Variants in VSTM2L observed in about 807,000 individuals in gnomAD.
VSTM2L encodes V-set and transmembrane domain-containing protein 2-like protein.
Under a neutral mutation model 19.9 loss-of-function variants are expected in VSTM2L, and 9 were observed. The observed-to-expected ratio is 0.45, with a 90% CI of 0.27 to 0.79. The LOEUF (loss-of-function observed/expected upper bound fraction) is 0.79. Among genes scored for constraint, VSTM2L ranks in the 30% least tolerant of loss-of-function variants. VSTM2L has a pLI of 0.15. For missense variants in VSTM2L, 286 were observed against 295.5 expected, an observed-to-expected ratio of 0.97 and a Z score of 0.24; for synonymous variants, 127 against 133.8, an observed-to-expected ratio of 0.95 and a Z score of 0.35.
At position 37,939,789 on chromosome 20, in the gene VSTM2L, C is replaced by T. The variant is rs143817538; in HGVS notation, c.343-4192C>T. On this transcript the variant is annotated intron_variant, in intron 3 of 3. Transcript: ENST00000373461. ...ACTCGCTAAGTGCTTGTTGAATGAA[C>T]GGACAAATTTAGCCCAAGAAAACCG... 1.1e-3 allele frequency among the ~76,000 whole-genome samples: 161 copies of T among 152,314 alleles called. 1 individual carries two copies. Among genetic ancestry groups the T allele is most frequent in the African/African-American group, 3.6e-3 (150 of 41,580 alleles).
intron 1 of VSTM2L, among the ~76,000 whole-genome samples, chr20:37,923,940 A>G (rs185244083): frequency 4.6e-5 from 7 of 152,356 alleles, no homozygotes; most frequent in East Asian, 1.9e-4. Flanking sequence ...GAGAAAATGT[A>G]TGTAAAGAGC....
intron 1 of VSTM2L, 104 bp from the exon 2 acceptor site, chr20:37,931,531 C>G: frequency 3.3e-6 from 3 of 915,632 alleles, no homozygotes; most frequent in Non-Finnish European, 4.9e-6. Flanking sequence ...CTCCACCCAT[C>G]CCCCGCCGTG....
intron 1 of VSTM2L, among the ~76,000 whole-genome samples, chr20:37,918,976 A>G (rs913565940): frequency 6.6e-6 from 1 of 152,218 alleles, no homozygotes; most frequent in Non-Finnish European, 1.5e-5. Context: ...ACAACTGTAC[A>G]TGGCAGTCCA....
Position 37,944,361 on chromosome 20 carries a change from G to A in VSTM2L, c.*108G>A, listed in dbSNP as rs2122985181. The A allele has an allele frequency of 6.3e-6, 8 of 1,278,798 alleles. No homozygotes were observed. Among genetic ancestry groups the A allele is most frequent in the Middle Eastern group, 2.9e-4 (1 of 3,458 alleles). 79.2% of individuals were successfully genotyped at this position (1,278,798 alleles called of 1,614,324 possible). The stretch of plus-strand genomic sequence containing the variant: ...CTGCGTCCAGCCGCGCCCCATCCCC[G>A]AGGCCGCCTGTGGCCACCATGTCGG... On this transcript the variant is annotated 3_prime_UTR_variant, in exon 4 of 4. Transcript: ENST00000373461.
intron 1 of VSTM2L, among the ~76,000 whole-genome samples, 192 bp downstream of exon 1, chr20:37,903,663 C>T (rs8120649): frequency 6.6e-5 from 10 of 152,310 alleles, no homozygotes; most frequent in Middle Eastern, 3.4e-3. Context: ...GGCGCACCCC[C>T]GAACCTCCTC....
intron 1 of VSTM2L, among the ~76,000 whole-genome samples, chr20:37,905,782 A>T (rs2072748746): frequency 6.6e-6 from 1 of 152,180 alleles, no homozygotes; most frequent in South Asian, 2.1e-4. Flanking sequence ...ACCCGCCACC[A>T]CAGGAAGGGT....
chr20:37,926,147 C>T (rs949324347), intron 1 of VSTM2L, among the ~76,000 whole-genome samples: 4 of 152,158 alleles, frequency 2.6e-5, no homozygotes, highest in African/African-American at 4.8e-5. Context: ...CTGCAACCTC[C>T]GCCTCCCAGA....
intron 1 of VSTM2L, 123 bp downstream of exon 1, chr20:37,903,594 C>A (rs967661485): frequency 2.0e-4 from 261 of 1,294,738 alleles, no homozygotes; most frequent in Non-Finnish European, 2.3e-4. Context: ...CGGGGCGCCC[C>A]CTGCCGGCGC....
intron 2 of VSTM2L, among the ~76,000 whole-genome samples, chr20:37,932,806 T>C (rs2072918275): frequency 6.6e-6 from 1 of 152,214 alleles, no homozygotes; most frequent in Non-Finnish European, 1.5e-5. Flanking sequence ...TATACACTAA[T>C]GAACACGCAA....
At chr20:37,942,532 A>G (rs965179373) in intron 3 of VSTM2L, among the ~76,000 whole-genome samples, 1 of 152,148 alleles carries the variant, frequency 6.6e-6, no homozygotes. Context: ...CACCGATAAC[A>G]GGTTGTGTCG....
At chr20:37,937,963 A>AGG (rs1019747304) in intron 3 of VSTM2L, among the ~76,000 whole-genome samples, 3 of 152,166 alleles carry the variant, frequency 2.0e-5, no homozygotes. Context: ...GATGAGGCTG[A>AGG]GGGGCAGGCC....
intron 1 of VSTM2L, among the ~76,000 whole-genome samples, chr20:37,922,495 C>T (rs1283245743): frequency 1.3e-5 from 2 of 152,086 alleles, no homozygotes; most frequent in Non-Finnish European, 2.9e-5. Context: ...TTCAGTGGGG[C>T]CACGTTGGTT....
intron 2 of VSTM2L, 59 bp from the exon 3 acceptor site, chr20:37,933,461 TCCCCACACTGCCACCCCAC>T: frequency 8.4e-7 from 1 of 1,188,758 alleles, no homozygotes; most frequent in Non-Finnish European, 1.2e-6. Flanking sequence ...ATAATGTGTC[TCCCCACACTGCCACCCCAC>T]CCCCACCCTG....
chr20:37,924,275 A>G (rs1568838352), intron 1 of VSTM2L, among the ~76,000 whole-genome samples: 1 of 151,842 alleles, frequency 6.6e-6, no homozygotes, highest in Non-Finnish European at 1.5e-5. Context: ...AAACATGGCC[A>G]GGCGCGATGG....
intron 1 of VSTM2L, among the ~76,000 whole-genome samples, chr20:37,915,596 G>C (rs2072813881): frequency 6.6e-6 from 1 of 152,098 alleles, no homozygotes; most frequent in African/African-American, 2.4e-5. Flanking sequence ...TGAGGAAACC[G>C]GGCTAGAAGC....
At chr20:37,936,366 G>A (rs1026653577) in intron 3 of VSTM2L, among the ~76,000 whole-genome samples, 2 of 152,224 alleles carry the variant, frequency 1.3e-5, no homozygotes, top group Non-Finnish European at 2.9e-5. Flanking sequence ...CCCGATTTTA[G>A]TGGAATGTCT....
At chr20:37,905,303 T>C (rs1159738003) in intron 1 of VSTM2L, among the ~76,000 whole-genome samples, 1 of 152,074 alleles carries the variant, frequency 6.6e-6, no homozygotes, top group Non-Finnish European at 1.5e-5. Context: ...ACTCTGAGGC[T>C]TATGGTCGTT....
chr20:37,923,654 C>T (rs1465842285), intron 1 of VSTM2L, among the ~76,000 whole-genome samples: 3 of 152,128 alleles, frequency 2.0e-5, no homozygotes, highest in East Asian at 1.9e-4. Flanking sequence ...GCTCAGGGGC[C>T]GGGTAAGTCA....
chr20:37,916,087 C>A (rs1410139720), intron 1 of VSTM2L, among the ~76,000 whole-genome samples: 3 of 152,208 alleles, frequency 2.0e-5, no homozygotes, highest in Non-Finnish European at 4.4e-5. Context: ...CCTCTTAGCC[C>A]CTCCCGGCAG....
Sources: allele counts gnomAD v4.1 joint callset (sites outside exome capture counted in the v4.1 genomes callset), GRCh38; gene constraint gnomAD v4.1.1; transcripts MANE v1.5; gene names NCBI Gene and HGNC (gene_info 2026-07-23, HGNC 2026-07-21).